Variants in TENM2 observed in about 807,000 individuals in gnomAD.
TENM2 encodes teneurin-2.
A neutral mutation model predicts 245.2 loss-of-function variants in TENM2; 52 were observed. The ratio of observed to expected loss-of-function variants is 0.21; its 90% CI spans 0.17 to 0.27. The LOEUF is 0.27. Among genes scored for constraint, TENM2 ranks in the 10% least tolerant of loss-of-function variants. The pLI is 1.00. For missense variants in TENM2, 3,046 were observed against 3,666.8 expected (o/e 0.83, Z 4.37); for synonymous variants, 1,363 against 1,438.9 (o/e 0.95, Z 1.19).
chr5:167,747,971 A>T (rs1023515896), intron 2 of TENM2, among the ~76,000 whole-genome samples: 1 of 152,018 alleles, frequency 6.6e-6, no homozygotes, highest in East Asian at 1.9e-4. Flanking sequence ...GTTGTCAGAA[A>T]CCTTTAGGTA....
At chr5:167,653,790 A>G (rs2150297979) in intron 2 of TENM2, 1 of 152,374 alleles carries the variant, frequency 6.6e-6, no homozygotes, top group African/African-American at 2.4e-5. Context: ...GCATGTGACA[A>G]GCTAGGCAAA....
intron 2 of TENM2, among the ~76,000 whole-genome samples, chr5:167,812,341 C>A (rs1452295754): frequency 6.6e-6 from 1 of 152,144 alleles, no homozygotes; most frequent in Non-Finnish European, 1.5e-5. Flanking sequence ...TCTGTCCCTG[C>A]TGAAGTGATA....
At chr5:167,111,877 A>G in the TENM2 span, among the ~76,000 whole-genome samples, 4 of 152,202 alleles carry the variant, frequency 2.6e-5, no homozygotes, top group African/African-American at 9.7e-5. Context: ...ATTATGCCTC[A>G]TCCAAATTAC....
At chr5:168,175,994 C>T (rs972077236) in intron 13 of TENM2, among the ~76,000 whole-genome samples, 8 of 152,212 alleles carry the variant, frequency 5.3e-5, no homozygotes, top group African/African-American at 1.7e-4. Context: ...CTTTGACATG[C>T]CCTCTTTGTC....
the TENM2 span, among the ~76,000 whole-genome samples, chr5:167,135,805 A>AT: frequency 3.3e-5 from 5 of 152,194 alleles, no homozygotes; most frequent in Admixed American, 1.3e-4. Flanking sequence ...CAAAAAAAAA[A>AT]TAGTGGCGTC....
intron 2 of TENM2, among the ~76,000 whole-genome samples, chr5:167,387,745 C>T (rs969414237): frequency 1.2e-4 from 18 of 152,048 alleles, no homozygotes; most frequent in South Asian, 6.2e-4. Flanking sequence ...TGGGTTTTTT[C>T]GAATGTTTTT....
chr5:168,213,318 A>G (rs1762928511), intron 20 of TENM2, among the ~76,000 whole-genome samples: 1 of 152,228 alleles, frequency 6.6e-6, no homozygotes, highest in Non-Finnish European at 1.5e-5. Context: ...ATGAAAGACC[A>G]TCTCAACTCC....
At chr5:167,738,952 A>G (rs1760987336) in intron 2 of TENM2, among the ~76,000 whole-genome samples, 1 of 152,228 alleles carries the variant, frequency 6.6e-6, no homozygotes, top group African/African-American at 2.4e-5. Context: ...TAGGGCTCCA[A>G]CATATGAATG....
At chr5:167,289,646 A>G (rs1041882159) in intron 1 of TENM2, among the ~76,000 whole-genome samples, 2 of 152,242 alleles carry the variant, frequency 1.3e-5, no homozygotes, top group African/African-American at 2.4e-5. Context: ...TCTTGCTCCT[A>G]TGATCTTTAA....
At chr5:167,087,626 A>G in the TENM2 span, among the ~76,000 whole-genome samples, 1 of 152,204 alleles carries the variant, frequency 6.6e-6, no homozygotes, top group Non-Finnish European at 1.5e-5. Flanking sequence ...TGTTAAATGA[A>G]CGTTCTGTGC....
In TENM2 at chr5:168,216,018, T is replaced by A. The variant is rs531021060; in HGVS notation, c.4078+746T>A. Among the ~76,000 whole-genome samples the A allele has an allele frequency of 7.2e-5, 11 of 152,284 alleles. No homozygotes were observed. The East Asian group carries it at 1.9e-3, about 27-fold the overall frequency. On this transcript the variant is annotated intron_variant, in intron 21 of 28. Transcript: ENST00000518659. Reference sequence around the variant, plus strand: ...AGGATGGAGGAGTTCTGGGAACCCATGGGTCTCTATTTGAAAAGGACTAAA... The same window carrying A: ...AGGATGGAGGAGTTCTGGGAACCCAAGGGTCTCTATTTGAAAAGGACTAAA...
intron 2 of TENM2, among the ~76,000 whole-genome samples, chr5:167,440,690 A>G (rs1034217379): frequency 2.6e-5 from 4 of 151,800 alleles, no homozygotes. Context: ...TCTTTTCCTT[A>G]TGTCTTCTAT....
intron 2 of TENM2, among the ~76,000 whole-genome samples, chr5:167,830,705 A>G (rs1768393410): frequency 6.6e-6 from 1 of 152,218 alleles, no homozygotes; most frequent in African/African-American, 2.4e-5. Context: ...AGAAGCAGTT[A>G]AGAAAACTAT....
At chr5:167,605,421 A>G (rs1427541776) in intron 2 of TENM2, among the ~76,000 whole-genome samples, 3 of 152,212 alleles carry the variant, frequency 2.0e-5, no homozygotes, top group Admixed American at 6.5e-5. Flanking sequence ...GACACATCAG[A>G]TGAAATATCA....
At chr5:167,738,153 A>T (rs1351756230) in intron 2 of TENM2, among the ~76,000 whole-genome samples, 1 of 152,252 alleles carries the variant, frequency 6.6e-6, no homozygotes, top group Non-Finnish European at 1.5e-5. Context: ...CAGTGGAGTC[A>T]TAACTCAGAA....
At chr5:168,079,688 CAT>C (rs1191639249) in intron 7 of TENM2, among the ~76,000 whole-genome samples, 30 of 152,274 alleles carry the variant, frequency 2.0e-4, no homozygotes, top group African/African-American at 7.0e-4. Flanking sequence ...TTGAGATAAT[CAT>C]GTGGTTTTTG....
chr5:167,945,337 AC>A (rs1317623556), intron 3 of TENM2, among the ~76,000 whole-genome samples: 1 of 152,184 alleles, frequency 6.6e-6, no homozygotes, highest in Non-Finnish European at 1.5e-5. Flanking sequence ...GGGCACAGAT[AC>A]GTTACAGTTA....
At chr5:167,353,333 T>TGGGGGGGGGGGGGGGGG (rs10635512) in intron 1 of TENM2, among the ~76,000 whole-genome samples, 1 of 135,662 alleles carries the variant, frequency 7.4e-6, no homozygotes, top group African/African-American at 2.9e-5. Context: ...AGGGGGGTGG[T>TGGGGGGGGGGGGGGGGG]GGGGGTGCAG....
At chr5:168,074,417 A>G (rs1581225104) in intron 7 of TENM2, among the ~76,000 whole-genome samples, 1 of 152,166 alleles carries the variant, frequency 6.6e-6, no homozygotes, top group Non-Finnish European at 1.5e-5. Context: ...TGACAAAAAC[A>G]GGCTCTGGTC....
Sources: gnomAD v4.1 joint callset for allele counts (sites outside exome capture counted in the v4.1 genomes callset) on GRCh38, gnomAD v4.1.1 for gene constraint, MANE v1.5 for transcripts, NCBI Gene and HGNC (gene_info 2026-07-23, HGNC 2026-07-21) for gene names.